Variants in TCF7L1 observed in about 807,000 individuals in gnomAD.
The protein encoded by TCF7L1 is transcription factor 7-like 1.
A neutral mutation model predicts 63.7 loss-of-function variants in TCF7L1; 18 were observed. The observed-to-expected ratio is 0.28, with a 90% CI of 0.20 to 0.42. The LOEUF (loss-of-function observed/expected upper bound fraction) is 0.42, where lower values mean the gene tolerates loss of function less well. Among genes scored for constraint, TCF7L1 ranks in the 10% least tolerant of loss-of-function variants. The pLI, the probability that TCF7L1 is intolerant of heterozygous loss-of-function variation, is 1.00. For synonymous variants in TCF7L1, 355 were observed against 340.9 expected, an observed-to-expected ratio of 1.04 and a Z score of -0.46; for missense variants, 654 against 779.3, an observed-to-expected ratio of 0.84 and a Z score of 1.91.
intron 3 of TCF7L1, among the ~76,000 whole-genome samples, chr2:85,282,794 TTGTGTGTGTGTGTGTGTGTGTGTG>T (rs59628868): frequency 8.4e-6 from 1 of 119,140 alleles, no homozygotes; most frequent in Non-Finnish European, 1.7e-5. Flanking sequence ...GAGAGAGAGA[TTGTGTGTGTGTGTGTGTGTGTGTG>T]TGTGTGTGTG....
intron 3 of TCF7L1, among the ~76,000 whole-genome samples, chr2:85,219,753 AC>A (rs1214192723): frequency 6.6e-6 from 1 of 152,160 alleles, no homozygotes; most frequent in African/African-American, 2.4e-5. Flanking sequence ...GCTAAAAAAT[AC>A]CTAAAATGTA....
At chr2:85,182,864 G>A (rs1018174798) in intron 3 of TCF7L1, among the ~76,000 whole-genome samples, 5 of 152,182 alleles carry the variant, frequency 3.3e-5, no homozygotes, top group African/African-American at 1.2e-4. Context: ...CTGAGGACTT[G>A]TGAAAATACA....
At chr2:85,220,937 C>T (rs189330033) in intron 3 of TCF7L1, among the ~76,000 whole-genome samples, 2 of 152,134 alleles carry the variant, frequency 1.3e-5, no homozygotes, top group East Asian at 3.9e-4. Flanking sequence ...AAACCAGGCT[C>T]CTGGGAGAAG....
chr2:85,213,541 C>T (rs538420986), intron 3 of TCF7L1: 1 of 152,232 alleles, frequency 6.6e-6, no homozygotes, highest in African/African-American at 2.4e-5. Context: ...TTGCCATTTC[C>T]GGCTGATGGC....
intron 3 of TCF7L1, among the ~76,000 whole-genome samples, chr2:85,220,723 T>G (rs1679823149): frequency 6.6e-6 from 1 of 152,216 alleles, no homozygotes; most frequent in African/African-American, 2.4e-5. Flanking sequence ...TTTTAAAACT[T>G]CAGAAAAGTG....
chr2:85,308,931 C>A, intron 11 of TCF7L1, 98 bp from the exon 12 acceptor site: 1 of 1,385,754 alleles, frequency 7.2e-7, no homozygotes, highest in Non-Finnish European at 9.8e-7. Context: ...CAAAATCATC[C>A]CTGTGTCTCC....
chr2:85,288,909 T>C (rs1198174084), intron 4 of TCF7L1, among the ~76,000 whole-genome samples: 2 of 152,042 alleles, frequency 1.3e-5, no homozygotes, highest in African/African-American at 4.8e-5. Flanking sequence ...TATATGCCCC[T>C]CTAGAATATA....
At chr2:85,274,723 T>A (rs1681233029) in intron 3 of TCF7L1, among the ~76,000 whole-genome samples, 1 of 152,238 alleles carries the variant, frequency 6.6e-6, no homozygotes, top group Admixed American at 6.5e-5. Context: ...GGTTTTTCAC[T>A]TTGTTTTTTG....
At chr2:85,204,310 A>C (rs907603667) in intron 3 of TCF7L1, among the ~76,000 whole-genome samples, 15 of 45,608 alleles carry the variant, frequency 3.3e-4, no homozygotes, top group Non-Finnish European at 1.6e-4. Context: ...CCCCCCACTT[A>C]ATAGGGTATC....
At chr2:85,280,263 G>A (rs1226020761) in intron 3 of TCF7L1, among the ~76,000 whole-genome samples, 1 of 152,050 alleles carries the variant, frequency 6.6e-6, no homozygotes, top group Non-Finnish European at 1.5e-5. Flanking sequence ...TATAGTTAGA[G>A]GCCAAAGATG....
intron 3 of TCF7L1, among the ~76,000 whole-genome samples, chr2:85,213,428 C>T (rs1679619890): frequency 2.0e-5 from 3 of 152,052 alleles, no homozygotes; most frequent in African/African-American, 7.2e-5. Context: ...CCAAAAATAG[C>T]CTTTGAGGAA....
At chr2:85,277,711 T>C (rs1681308258) in intron 3 of TCF7L1, among the ~76,000 whole-genome samples, 2 of 152,218 alleles carry the variant, frequency 1.3e-5, no homozygotes, top group Admixed American at 6.5e-5. Context: ...GGGCTGGAGT[T>C]TTCTCACCTG....
chr2:85,176,185 C>T (rs1021649544), intron 3 of TCF7L1, among the ~76,000 whole-genome samples: 2 of 152,204 alleles, frequency 1.3e-5, no homozygotes, highest in Admixed American at 6.5e-5. Flanking sequence ...AAAGAAGCAC[C>T]GTTTGGAAGC....
At chr2:85,251,366 CT>C (rs1680583496) in intron 3 of TCF7L1, among the ~76,000 whole-genome samples, 1 of 152,152 alleles carries the variant, frequency 6.6e-6, no homozygotes, top group Non-Finnish European at 1.5e-5. Flanking sequence ...CAAAGAGAAG[CT>C]TGTGAGGAAG....
At chr2:85,265,598 A>G (rs1018219031) in intron 3 of TCF7L1, among the ~76,000 whole-genome samples, 1 of 152,134 alleles carries the variant, frequency 6.6e-6, no homozygotes, top group Non-Finnish European at 1.5e-5. Flanking sequence ...GCCCCAGCGT[A>G]TGTTGCCCAG....
At position 85,305,402 on chromosome 2, in the gene TCF7L1, G is replaced by A. The variant is rs200382325; in HGVS notation, c.988G>A (p.Val330Met). The change falls in exon 8 of 12, where the codon GTG (valine) becomes ATG (methionine). Residue 330 changes from valine (V) to methionine (M), a missense_variant and splice_region_variant. This residue lies in a region of TCF7L1 where 66 missense variants were observed against 120.5 expected (regional missense o/e 0.55). Transcript: ENST00000282111. ...CCCCAGCCTGAGCCCTGCAGTGAGC[G>A]TGTAAGTAAGCGGCAGCCTGGATTC... ...APPSLSPAVSVKSPVTVKKEE... is the reference protein window; with the variant it reads ...APPSLSPAVSMKSPVTVKKEE... 18 of 1,606,236 alleles carry A rather than the reference G, an allele frequency of 1.1e-5. No homozygotes were observed. The highest frequency in any genetic ancestry group is 4.5e-5 in the East Asian group (2 of 44,766).
chr2:85,209,729 G>A (rs917567615), intron 3 of TCF7L1, among the ~76,000 whole-genome samples: 11 of 152,272 alleles, frequency 7.2e-5, no homozygotes, highest in Admixed American at 2.6e-4. Flanking sequence ...AGGGGTGACA[G>A]GCACATACAC....
intron 3 of TCF7L1, chr2:85,232,855 GCTA>G (rs1469870294): frequency 6.6e-6 from 1 of 152,200 alleles, no homozygotes; most frequent in African/African-American, 2.4e-5. Flanking sequence ...AAACCAGTGG[GCTA>G]CTGTTACAGC....
chr2:85,255,601 A>C (rs1399991739), intron 3 of TCF7L1, among the ~76,000 whole-genome samples: 2 of 152,140 alleles, frequency 1.3e-5, no homozygotes, highest in Admixed American at 1.3e-4. Flanking sequence ...GGAGAAGCCT[A>C]AACAGGGTGG....
Sources: gnomAD v4.1 joint callset for allele counts (sites outside exome capture counted in the v4.1 genomes callset) on GRCh38, gnomAD v4.1.1 for gene constraint, gnomAD v4.1.1 regional missense constraint, MANE v1.5 for transcripts, NCBI Gene and HGNC (gene_info 2026-07-23, HGNC 2026-07-21) for gene names.